The following KIF16B variants were observed in gnomAD, a reference collection of about 807,000 sequenced individuals.
The protein encoded by KIF16B is kinesin-like protein KIF16B.
KIF16B carries 98 observed loss-of-function variants against 156.3 expected under a neutral mutation model. That is an observed-to-expected ratio of 0.63 (90% confidence interval 0.53 to 0.74). The LOEUF is 0.74. Among genes scored for constraint, KIF16B ranks in the 30% least tolerant of loss-of-function variants. KIF16B has a pLI of 0.00. For synonymous variants in KIF16B, 564 were observed against 583.7 expected (o/e 0.97, Z 0.49); for missense variants, 1,421 against 1,606.5 (o/e 0.88, Z 1.97).
intron 12 of KIF16B, among the ~76,000 whole-genome samples, chr20:16,465,574 T>G (rs1277827242): frequency 2.0e-5 from 3 of 152,232 alleles, no homozygotes; most frequent in Non-Finnish European, 2.9e-5. Flanking sequence ...TTGCAAAATC[T>G]CTACATGAAT....
At chr20:16,290,375 G>A (rs192753473) in intron 25 of KIF16B, among the ~76,000 whole-genome samples, 115 of 152,338 alleles carry the variant, frequency 7.5e-4, no homozygotes, top group African/African-American at 2.7e-3. Flanking sequence ...TGGCTGAACA[G>A]AATGAGCTAT....
chr20:16,293,208 A>T (rs6111021), intron 25 of KIF16B, among the ~76,000 whole-genome samples: 3 of 152,040 alleles, frequency 2.0e-5, no homozygotes, highest in Admixed American at 1.3e-4. Context: ...ATGGGTCAGA[A>T]GAATCGACGA....
chr20:16,497,688 A>G lies in KIF16B; in HGVS notation c.1177-10T>C. The G allele has an allele frequency of 6.3e-7, 1 of 1,582,234 alleles. No individual in the cohort carries two copies. The highest frequency in any genetic ancestry group is 8.6e-7 in the Non-Finnish European group (1 of 1,157,180). On this transcript the variant is annotated splice_polypyrimidine_tract_variant and intron_variant, in intron 10 of 25. Transcript: ENST00000354981. Reference sequence around the variant, plus strand: ...AGTCTAAGAGGGCAATCTACAATATAAACCATAAAAGAAATCAGCAATTAA... The same window carrying G: ...AGTCTAAGAGGGCAATCTACAATATGAACCATAAAAGAAATCAGCAATTAA...
chr20:16,477,956 G>A (rs538901248), intron 12 of KIF16B, among the ~76,000 whole-genome samples: 11 of 152,228 alleles, frequency 7.2e-5, no homozygotes, highest in African/African-American at 2.4e-4. Context: ...AGCTGGGATG[G>A]CTCCAGACCA....
At chr20:16,432,941 C>T (rs2066541299) in intron 12 of KIF16B, among the ~76,000 whole-genome samples, 1 of 152,118 alleles carries the variant, frequency 6.6e-6, no homozygotes, top group African/African-American at 2.4e-5. Context: ...GGCTCAGAAC[C>T]TCAGGCTTTG....
At chr20:16,430,821 C>T (rs79352727) in intron 12 of KIF16B, among the ~76,000 whole-genome samples, 4,517 of 151,086 alleles carry the variant, frequency 0.03, 237 homozygotes, top group African/African-American at 0.1. Context: ...ATGTATACCG[C>T]ATATATGAGT....
intron 1 of KIF16B, among the ~76,000 whole-genome samples, chr20:16,531,274 G>C (rs181562797): frequency 3.5e-4 from 54 of 152,278 alleles, no homozygotes; most frequent in African/African-American, 1.2e-3. Context: ...ACTGTTAAAA[G>C]AAAGAATCAA....
chr20:16,469,232 G>C (rs988333812), intron 12 of KIF16B, among the ~76,000 whole-genome samples: 2 of 130,910 alleles, frequency 1.5e-5, no homozygotes, highest in Non-Finnish European at 3.2e-5. Context: ...CAGCCTGGGT[G>C]ACAGAGCAGG....
At chr20:16,402,506 A>T (rs1254602393) in intron 17 of KIF16B, among the ~76,000 whole-genome samples, 1 of 152,212 alleles carries the variant, frequency 6.6e-6, no homozygotes, top group African/African-American at 2.4e-5. Flanking sequence ...ATGTACAGTG[A>T]AGAAGGGACA....
chr20:16,534,494 G>C (rs2069879995), intron 1 of KIF16B, among the ~76,000 whole-genome samples: 1 of 152,112 alleles, frequency 6.6e-6, no homozygotes, highest in South Asian at 2.1e-4. Flanking sequence ...TTCTTTTGCT[G>C]TGTAAATGTT....
chr20:16,339,229 C>T (rs1173255471), intron 23 of KIF16B, among the ~76,000 whole-genome samples: 1 of 152,146 alleles, frequency 6.6e-6, no homozygotes, highest in Non-Finnish European at 1.5e-5. Context: ...ATCCACTGGT[C>T]AATTTTTGGT....
chr20:16,370,684 C>T (rs2144893), intron 21 of KIF16B, 48 bp from the exon 22 acceptor site: 596,627 of 1,413,984 alleles, frequency 0.42, 128,040 homozygotes, highest in African/African-American at 0.62. Context: ...AGCAAGTTCA[C>T]GGGGCGGGGG....
chr20:16,363,730 C>T (rs937556515), intron 22 of KIF16B, among the ~76,000 whole-genome samples: 4 of 152,160 alleles, frequency 2.6e-5, no homozygotes, highest in Non-Finnish European at 5.9e-5. Context: ...TGGAGCAGAC[C>T]GACCCTGGTT....
chr20:16,413,867 T>C (rs991776042), intron 15 of KIF16B, among the ~76,000 whole-genome samples: 4 of 151,562 alleles, frequency 2.6e-5, no homozygotes, highest in African/African-American at 9.8e-5. Flanking sequence ...TTTTCTGAAA[T>C]GGTATTGAGT....
intron 1 of KIF16B, among the ~76,000 whole-genome samples, chr20:16,546,608 C>G (rs78759521): frequency 0.038 from 5,854 of 152,184 alleles, 174 homozygotes; most frequent in African/African-American, 0.075. Context: ...AAGTCTTCTG[C>G]CCAGATATCA....
intron 12 of KIF16B, among the ~76,000 whole-genome samples, chr20:16,435,320 C>T (rs1568979028): frequency 6.6e-6 from 1 of 152,188 alleles, no homozygotes; most frequent in African/African-American, 2.4e-5. Context: ...ATGGTACTTA[C>T]TTTCCTCAGA....
At chr20:16,294,472 G>C (rs1568823314) in intron 25 of KIF16B, among the ~76,000 whole-genome samples, 1 of 152,180 alleles carries the variant, frequency 6.6e-6, no homozygotes, top group African/African-American at 2.4e-5. Context: ...GTCCTGCTGG[G>C]GACCCTTTGA....
rs541419502 is a variant in KIF16B at position 16,363,738 on chromosome 20, G to A, written c.3498+6848C>T. On this transcript the variant is annotated intron_variant, in intron 22 of 25. Transcript: ENST00000354981. ...ATATGTGTGGAGCAGACCGACCCTG[G>A]TTGAGCAACAGATGACCTGCAGCGT... is the stretch of plus-strand genomic sequence containing the variant. Among the ~76,000 whole-genome samples the A allele has an allele frequency of 5.3e-5, 8 of 152,276 alleles. No individual in the cohort carries two copies. In the East Asian group the frequency reaches 1.5e-3, roughly 29 times the overall value.
chr20:16,413,229 C>T (rs2066002682), intron 15 of KIF16B, among the ~76,000 whole-genome samples: 2 of 151,878 alleles, frequency 1.3e-5, no homozygotes, highest in African/African-American at 4.8e-5. Flanking sequence ...TGCTAAATAC[C>T]CAAAGACAGA....
Sources: gnomAD v4.1 joint callset for allele counts (sites outside exome capture counted in the v4.1 genomes callset) on GRCh38, gnomAD v4.1.1 for gene constraint, MANE v1.5 for transcripts, NCBI Gene and HGNC (gene_info 2026-07-23, HGNC 2026-07-21) for gene names.